The following MACROD2 variants were observed in gnomAD, a reference collection of about 807,000 sequenced individuals.
The protein encoded by MACROD2 is mono-ADP ribosylhydrolase 2.
In MACROD2, 36 loss-of-function variants were observed where a neutral mutation model predicts 70.4. That is an observed-to-expected ratio of 0.51 (90% CI 0.39 to 0.68). The LOEUF (loss-of-function observed/expected upper bound fraction) is 0.68, where lower values mean the gene tolerates loss of function less well. Among genes scored for constraint, MACROD2 ranks in the 30% least tolerant of loss-of-function variants. The probability of loss-of-function intolerance (pLI) is 0.00; values close to 1 mark genes in which losing one functional copy is unlikely to be tolerated. For missense variants in MACROD2, 496 were observed against 538.4 expected (o/e 0.92, Z 0.78); for synonymous variants, 172 against 178.8 (o/e 0.96, Z 0.30).
At chr20:15,260,054 A>G (rs57598783) in intron 6 of MACROD2, among the ~76,000 whole-genome samples, 22,117 of 151,826 alleles carry the variant, frequency 0.15, 2,286 homozygotes, top group African/African-American at 0.29. Flanking sequence ...ATATTTTCAT[A>G]TAGGCATACA....
chr20:14,974,954 A>G (rs535145131), intron 5 of MACROD2, among the ~76,000 whole-genome samples: 1 of 152,166 alleles, frequency 6.6e-6, no homozygotes, highest in Non-Finnish European at 1.5e-5. Context: ...TGGATAATGG[A>G]TTTATTTAGA....
At chr20:14,587,077 G>A (rs1981433148) in intron 4 of MACROD2, among the ~76,000 whole-genome samples, 1 of 151,750 alleles carries the variant, frequency 6.6e-6, no homozygotes, top group Non-Finnish European at 1.5e-5. Flanking sequence ...TAACAACACA[G>A]GTTTTCTCAT....
At chr20:14,325,907 C>A in intron 3 of MACROD2, 3 of 1,613,926 alleles carry the variant, frequency 1.9e-6, no homozygotes, top group Non-Finnish European at 2.5e-6. Context: ...ACAGCCCCAC[C>A]AATGATGGCA....
At chr20:14,613,301 G>C (rs1295116195) in intron 4 of MACROD2, among the ~76,000 whole-genome samples, 1 of 152,098 alleles carries the variant, frequency 6.6e-6, no homozygotes, top group East Asian at 1.9e-4. Context: ...CCAGAACCAT[G>C]CTTTATGCTT....
chr20:15,085,873 A>AACACACACACACAC lies in MACROD2; in HGVS notation c.419-144041_419-144028dup, dbSNP rs3070249. ...AAAGATGAATAACACACACACACAC[A>AACACACACACACAC]ACACACACACACACACACACACACA... On this transcript the variant is annotated intron_variant, in intron 5 of 17. Transcript: ENST00000684519. 4.9e-4 allele frequency among the ~76,000 whole-genome samples: 71 copies of AACACACACACACAC among 144,384 alleles called. 1 individual carries two copies. In the South Asian group the frequency reaches 0.01, roughly 21 times the overall value. The allele number at this position is 144,384 out of a possible 152,430, so 94.7% of individuals were successfully genotyped here.
At chr20:15,650,715 T>A (rs2049629800) in intron 8 of MACROD2, among the ~76,000 whole-genome samples, 1 of 152,208 alleles carries the variant, frequency 6.6e-6, no homozygotes, top group South Asian at 2.1e-4. Context: ...ACCACTGATG[T>A]TGGATAGCAC....
chr20:14,023,172 T>C (rs1052895800), intron 2 of MACROD2, among the ~76,000 whole-genome samples: 1 of 152,270 alleles, frequency 6.6e-6, no homozygotes. Flanking sequence ...TGAGCTTTTT[T>C]TCATATGTAT....
At chr20:14,314,538 A>C (rs1307700892) in intron 3 of MACROD2, among the ~76,000 whole-genome samples, 6 of 152,154 alleles carry the variant, frequency 3.9e-5, no homozygotes. Flanking sequence ...AGGTGGGTGG[A>C]TCACCTGAGG....
chr20:15,649,137 C>G (rs2049602776), intron 8 of MACROD2, among the ~76,000 whole-genome samples: 1 of 128,676 alleles, frequency 7.8e-6, no homozygotes, highest in African/African-American at 2.9e-5. Flanking sequence ...CTTCCCTTCC[C>G]TTCCTCTTTC....
intron 5 of MACROD2, among the ~76,000 whole-genome samples, chr20:14,881,253 A>G (rs995949235): frequency 2.0e-5 from 3 of 150,436 alleles, no homozygotes; most frequent in East Asian, 2.0e-4. Context: ...GGGTTCTTTC[A>G]TGCATTCCCT....
chr20:15,401,339 G>A (rs2045928359), intron 6 of MACROD2, among the ~76,000 whole-genome samples: 1 of 152,184 alleles, frequency 6.6e-6, no homozygotes, highest in South Asian at 2.1e-4. Context: ...CACCCAGCCA[G>A]CTTGTTCTTA....
At chr20:15,200,287 T>C (rs799182) in intron 5 of MACROD2, among the ~76,000 whole-genome samples, 11,363 of 152,288 alleles carry the variant, frequency 0.075, 517 homozygotes, top group Non-Finnish European at 0.1. Context: ...CTTTGATGAC[T>C]ATATATTCAG....
chr20:15,033,470 G>A (rs180898568), intron 5 of MACROD2, among the ~76,000 whole-genome samples: 1 of 152,246 alleles, frequency 6.6e-6, no homozygotes, highest in East Asian at 1.9e-4. Context: ...GCTGCTTGTC[G>A]CAGTATATGC....
intron 6 of MACROD2, among the ~76,000 whole-genome samples, chr20:15,248,997 A>G (rs1218285482): frequency 1.3e-5 from 2 of 152,180 alleles, no homozygotes; most frequent in Non-Finnish European, 2.9e-5. Context: ...AGCAAAACCA[A>G]TAAAGAGTGT....
chr20:14,754,795 A>ATTTTT (rs11461670), intron 5 of MACROD2, among the ~76,000 whole-genome samples: 2,779 of 143,710 alleles, frequency 0.019, 59 homozygotes, highest in African/African-American at 0.033. Flanking sequence ...AGGTAAAGTG[A>ATTTTT]TTTTTTTTTT....
At chr20:15,972,707 G>A (rs565015443) in intron 13 of MACROD2, among the ~76,000 whole-genome samples, 136 of 152,222 alleles carry the variant, frequency 8.9e-4, no homozygotes, top group African/African-American at 2.8e-3. Context: ...CTACTTGGGA[G>A]GCTGAGTCAG....
intron 8 of MACROD2, among the ~76,000 whole-genome samples, chr20:15,808,789 A>T (rs577364705): frequency 1.1e-4 from 16 of 152,314 alleles, no homozygotes; most frequent in African/African-American, 3.8e-4. Context: ...TTTTTAATCA[A>T]TTAGGAGGCT....
chr20:14,801,433 C>A (rs187694238), intron 5 of MACROD2, among the ~76,000 whole-genome samples: 2 of 152,070 alleles, frequency 1.3e-5, no homozygotes, highest in African/African-American at 4.8e-5. Context: ...TATTCATACA[C>A]CTGTTAAAGA....
At chr20:15,874,122 A>G (rs193088715) in intron 9 of MACROD2, among the ~76,000 whole-genome samples, 95 of 124,280 alleles carry the variant, frequency 7.6e-4, no homozygotes, top group Admixed American at 1.2e-3. Flanking sequence ...GTGTCCATGT[A>G]TTCTCATTGT....
Sources: gnomAD v4.1 joint callset for allele counts (sites outside exome capture counted in the v4.1 genomes callset) on GRCh38, gnomAD v4.1.1 for gene constraint, MANE v1.5 for transcripts, NCBI Gene and HGNC (gene_info 2026-07-23, HGNC 2026-07-21) for gene names.